Variants in ASCC3 observed in about 807,000 individuals in gnomAD.
The protein encoded by ASCC3 is activating signal cointegrator 1 complex subunit 3.
ASCC3 carries 158 observed loss-of-function variants against 256.3 expected under a neutral mutation model. The observed-to-expected ratio is 0.62, with a 90% confidence interval of 0.54 to 0.70. The LOEUF (loss-of-function observed/expected upper bound fraction) is 0.70. Among genes scored for constraint, ASCC3 ranks in the 30% least tolerant of loss-of-function variants. ASCC3 has a pLI of 0.00. For synonymous variants in ASCC3, 948 were observed against 883.4 expected (o/e 1.07, Z -1.30); for missense variants, 2,259 against 2,626.0 (o/e 0.86, Z 3.05).
intron 30 of ASCC3, among the ~76,000 whole-genome samples, chr6:100,614,350 T>G (rs1350562914): frequency 6.6e-6 from 1 of 152,100 alleles, no homozygotes; most frequent in East Asian, 1.9e-4. Context: ...TAAGATCAGA[T>G]TTTACCACAA....
intron 37 of ASCC3, among the ~76,000 whole-genome samples, chr6:100,535,563 C>A: frequency 6.6e-6 from 1 of 151,046 alleles, no homozygotes; most frequent in African/African-American, 2.4e-5. Context: ...TCCGCCTCCC[C>A]GGTTCAAGCA....
intron 32 of ASCC3, among the ~76,000 whole-genome samples, chr6:100,605,913 T>C (rs992157357): frequency 1.3e-5 from 2 of 152,082 alleles, no homozygotes; most frequent in Non-Finnish European, 2.9e-5. Flanking sequence ...GTAACTATGA[T>C]GAAAAACTGA....
chr6:100,578,674 G>A (rs1032383869), intron 36 of ASCC3, among the ~76,000 whole-genome samples: 3 of 151,930 alleles, frequency 2.0e-5, no homozygotes, highest in African/African-American at 7.2e-5. Context: ...CTGTTGACGG[G>A]CATTTAGGTT....
chr6:100,675,397 T>TC (rs1228848270), intron 14 of ASCC3, among the ~76,000 whole-genome samples: 1 of 152,130 alleles, frequency 6.6e-6, no homozygotes, highest in Non-Finnish European at 1.5e-5. Context: ...ACAGATACCA[T>TC]CTCGGAAGAG....
intron 5 of ASCC3, among the ~76,000 whole-genome samples, 172 bp downstream of exon 5, chr6:100,805,588 A>G (rs1011319730): frequency 6.6e-6 from 1 of 152,122 alleles, no homozygotes; most frequent in African/African-American, 2.4e-5. Flanking sequence ...CCTCCTATTT[A>G]GATCACTTAC....
intron 32 of ASCC3, 32 bp from the exon 33 acceptor site, chr6:100,605,732 A>G (rs1772850434): frequency 6.2e-7 from 1 of 1,609,376 alleles, no homozygotes; most frequent in Non-Finnish European, 8.5e-7. Flanking sequence ...GATATTCTAC[A>G]ATGTGGCATA....
intron 25 of ASCC3, among the ~76,000 whole-genome samples, chr6:100,637,351 T>C (rs1425613498): frequency 6.6e-6 from 1 of 152,142 alleles, no homozygotes; most frequent in Non-Finnish European, 1.5e-5. Context: ...TTGAGACCTA[T>C]TGCTTAGAAA....
chr6:100,868,779 G>C (rs568805639), intron 1 of ASCC3, among the ~76,000 whole-genome samples: 1 of 152,216 alleles, frequency 6.6e-6, no homozygotes, highest in African/African-American at 2.4e-5. Context: ...AGGCAAAAAT[G>C]GTAACAGACT....
chr6:100,703,682 CCTTTA>C (rs1403732880), intron 13 of ASCC3, among the ~76,000 whole-genome samples: 1 of 151,766 alleles, frequency 6.6e-6, no homozygotes, highest in African/African-American at 2.4e-5. Context: ...TTTCTTCTGG[CCTTTA>C]CTTTAACCAA....
chr6:100,679,642 A>G lies in ASCC3; in HGVS notation c.2262T>C (p.His754=). ...CCTGTTTTTCTGCAAGTACATAGTC[A>G]TGTCCTTGGGTAGGAAAAAAGAAGG... is the stretch of plus-strand genomic sequence containing the variant. The part of the protein sequence containing the change: ...HIPFFFPTQG[H]DYVLAEKQVQ... The change falls in exon 14 of 42, where the codon CAT becomes CAC. Residue 754 remains histidine, a synonymous_variant. Transcript: ENST00000369162. 6.2e-7 allele frequency: 1 copy of G among 1,613,636 alleles called. No individual in the cohort carries two copies. Among genetic ancestry groups the G allele is most frequent in the South Asian group, 1.1e-5 (1 of 91,078 alleles).
intron 4 of ASCC3, among the ~76,000 whole-genome samples, chr6:100,811,293 A>T (rs560265830): frequency 3.3e-5 from 5 of 152,278 alleles, no homozygotes; most frequent in Admixed American, 3.3e-4. Flanking sequence ...AGCTCCGATA[A>T]GATCAAATAT....
At chr6:100,854,277 C>T (rs755436421) in intron 3 of ASCC3, among the ~76,000 whole-genome samples, 1 of 150,794 alleles carries the variant, frequency 6.6e-6, no homozygotes. Context: ...ATAAAATGAA[C>T]AATTTCTGTG....
chr6:100,659,302 A>G (rs982375888), intron 16 of ASCC3, among the ~76,000 whole-genome samples: 19 of 151,464 alleles, frequency 1.3e-4, no homozygotes, highest in Non-Finnish European at 2.4e-4. Context: ...CCAATTTCAC[A>G]CTTGATTTCC....
Position 100,662,488 on chromosome 6 carries a change from A to C in ASCC3, c.2335T>G (p.Phe779Val). Residue 779 changes from phenylalanine to valine, a missense_variant, in exon 15 of 42, where the codon TTT becomes GTT. Transcript: ENST00000369162. ...AGCATTCCTGCATGATGAATACTAA[A>C]ACCATCTGGGAATAATTCTCGTACT... ...KQVRELFPDG[F>V]SIHHAGMLRQ... 6.2e-7 allele frequency: 1 copy of C among 1,613,172 alleles called. No individual in the cohort carries two copies. The highest frequency in any genetic ancestry group is 1.1e-5 in the South Asian group (1 of 91,064).
At chr6:100,816,175 C>G (rs921773732) in intron 4 of ASCC3, among the ~76,000 whole-genome samples, 6 of 152,042 alleles carry the variant, frequency 3.9e-5, no homozygotes, top group Non-Finnish European at 8.8e-5. Context: ...CATCACTGAT[C>G]ATTAGAGAAA....
intron 34 of ASCC3, 93 bp downstream of exon 34, chr6:100,601,717 T>C: frequency 6.7e-7 from 1 of 1,490,168 alleles, no homozygotes; most frequent in South Asian, 1.2e-5. Context: ...AGTTCTGCCT[T>C]TTTTGTATGT....
At chr6:100,761,967 T>A (rs1230875811) in intron 10 of ASCC3, among the ~76,000 whole-genome samples, 1 of 151,876 alleles carries the variant, frequency 6.6e-6, no homozygotes. Flanking sequence ...ATAGGAAAAA[T>A]CCCCTTGAAA....
chr6:100,861,126 TTA>T (rs1773205938), intron 3 of ASCC3, among the ~76,000 whole-genome samples: 1 of 152,018 alleles, frequency 6.6e-6, no homozygotes, highest in African/African-American at 2.4e-5. Flanking sequence ...AAAAGTAGAC[TTA>T]CTAGGATATG....
intron 36 of ASCC3, among the ~76,000 whole-genome samples, chr6:100,580,014 T>C (rs1771120571): frequency 6.6e-6 from 1 of 152,178 alleles, no homozygotes; most frequent in Non-Finnish European, 1.5e-5. Flanking sequence ...AGCAGTGTTT[T>C]ACAATTCTCG....
Sources: allele counts gnomAD v4.1 joint callset (sites outside exome capture counted in the v4.1 genomes callset), GRCh38; gene constraint gnomAD v4.1.1; transcripts MANE v1.5; gene names NCBI Gene and HGNC (gene_info 2026-07-23, HGNC 2026-07-21).